Variants in NIBAN3 observed in about 807,000 individuals in gnomAD.
NIBAN3 encodes the protein niban apoptosis regulator 3, also known as protein Niban 3.
In NIBAN3, 66 loss-of-function variants were observed where a neutral mutation model predicts 76.4. The ratio of observed to expected loss-of-function variants is 0.86; its 90% CI spans 0.71 to 1.06. The LOEUF is 1.06. NIBAN3 is among the 50% of genes least tolerant of loss of function. NIBAN3 has a pLI of 0.00. For missense variants in NIBAN3, 808 were observed against 810.7 expected (o/e 1.00, Z 0.04); for synonymous variants, 360 against 355.2 (o/e 1.01, Z -0.15).
chr19:17,540,212 G>T (rs2144730489), intron 8 of NIBAN3, 180 bp from the exon 9 acceptor site: 1 of 451,108 alleles, frequency 2.2e-6, no homozygotes, highest in East Asian at 3.5e-5. Flanking sequence ...CCCCTACAAA[G>T]ACCCAGGTGG....
chr19:17,551,965 C>A lies in NIBAN3; in HGVS notation c.*67C>A. The A allele has an allele frequency of 1.4e-6, 1 of 696,862 alleles. No individual in the cohort carries two copies. The highest frequency in any genetic ancestry group is 2.7e-6 in the Non-Finnish European group (1 of 364,196). The allele number at this position is 696,862 out of a possible 1,614,324, so 43.2% of individuals were successfully genotyped here. On this transcript the variant is annotated 3_prime_UTR_variant, in exon 15 of 15. Coordinates refer to ENST00000599164, the MANE Select transcript of NIBAN3 (RefSeq NM_001321827.2). ...TACAAGTGGAATTTCTGGGCCAAAA[C>A]GGATGTGCCATCTTTAGGCTTTTGT...
intron 4 of NIBAN3, among the ~76,000 whole-genome samples, chr19:17,534,696 C>G (rs2075792625): frequency 6.7e-6 from 1 of 149,730 alleles, no homozygotes; most frequent in Admixed American, 6.7e-5. Context: ...GAGGCTGAGG[C>G]AGGAGAATGG....
At chr19:17,525,731 A>G (rs17710450), upstream of NIBAN3, among the ~76,000 whole-genome samples, 10,230 of 152,174 alleles carry the variant, frequency 0.067, 404 homozygotes, top group Admixed American at 0.12. Context: ...TGCTTTCCCA[A>G]AGGGCAATGG....
downstream of NIBAN3, among the ~76,000 whole-genome samples, chr19:17,554,491 AAAT>A (rs1194922662): frequency 2.5e-4 from 37 of 145,996 alleles, no homozygotes; most frequent in African/African-American, 5.0e-4. Flanking sequence ...CTCTCTGTGA[AAAT>A]AATAATAAGC....
rs182397495 is a variant in NIBAN3 at position 17,534,607 on chromosome 19, T to C, written c.427+906T>C. Among the ~76,000 whole-genome samples, 630 of 152,056 alleles carry C rather than the reference T, an allele frequency of 4.1e-3. 2 individuals are homozygous for C. The highest frequency in any genetic ancestry group is 0.014 in the South Asian group (68 of 4,820). ...GAGATCAAGACCATCCTGGCTAACA[T>C]GGTGAAACCCCATCTCTACTAAAAA... is the stretch of plus-strand genomic sequence containing the variant. On this transcript the variant is annotated intron_variant, in intron 4 of 14. Coordinates refer to ENST00000599164, the MANE Select transcript of NIBAN3 (RefSeq NM_001321827.2).
chr19:17,538,744 AAG>A (rs1295774275), intron 5 of NIBAN3, among the ~76,000 whole-genome samples: 63 of 25,250 alleles, frequency 2.5e-3, no homozygotes, highest in Non-Finnish European at 5.5e-3. Context: ...GAAAGAAAGA[AAG>A]AGAAAGAAAG....
At chr19:17,526,087 G>C (rs1019826975), upstream of NIBAN3, among the ~76,000 whole-genome samples, 28 of 151,784 alleles carry the variant, frequency 1.8e-4, no homozygotes, top group African/African-American at 6.8e-4. Context: ...GTCAAGGAGG[G>C]TGGATCACGA....
rs74900579 is a variant in NIBAN3, at chr19:17,535,965, G to C, written c.428-1411G>C. Among the ~76,000 whole-genome samples, 306 of 152,168 alleles carry C rather than the reference G, an allele frequency of 2.0e-3. 1 individual carries two copies. The highest frequency in any genetic ancestry group is 7.2e-3 in the African/African-American group (299 of 41,520). ...TAAAAGAAAGCAAAACTTAGCCACT[G>C]AAAGTGTCCCAGACGTATCAAGGAG... On this transcript the variant is annotated intron_variant, in intron 4 of 14. Transcript: ENST00000599164.
In NIBAN3 at chr19:17,551,908, C is replaced by T; in HGVS notation, c.*10C>T. ...AACATTCCGGAGCTGAATCTTCACC[C>T]ACATCTATCTTGTTTCTATTGGATA... On this transcript the variant is annotated 3_prime_UTR_variant, in exon 15 of 15. Transcript: ENST00000599164. The T allele has an allele frequency of 1.3e-6, 1 of 775,832 alleles. No homozygotes were observed. Among genetic ancestry groups the T allele is most frequent in the Non-Finnish European group, 2.4e-6 (1 of 414,104 alleles). The allele number at this position is 775,832 out of a possible 1,614,324, so 48.1% of individuals were successfully genotyped here.
At chr19:17,526,367 G>T (rs2075608322), upstream of NIBAN3, among the ~76,000 whole-genome samples, 4 of 152,006 alleles carry the variant, frequency 2.6e-5, no homozygotes, top group Admixed American at 6.6e-5. Flanking sequence ...AATATGCCAG[G>T]TGTGGTGGCT....
chr19:17,540,220 T>G, intron 8 of NIBAN3, 172 bp from the exon 9 acceptor site: 2 of 461,732 alleles, frequency 4.3e-6, no homozygotes, highest in Non-Finnish European at 7.6e-6. Context: ...AAGACCCAGG[T>G]GGGAATCCTG....
intron 9 of NIBAN3, among the ~76,000 whole-genome samples, chr19:17,541,824 C>T (rs2075958460): frequency 6.6e-6 from 1 of 151,990 alleles, no homozygotes; most frequent in Admixed American, 6.6e-5. Flanking sequence ...GCTGGGAGTA[C>T]AGGTGTGTGC....
rs765270424 is a variant in NIBAN3 at position 17,540,566 on chromosome 19, C to T, written c.1154C>T (p.Thr385Met). 1.3e-6 allele frequency: 2 copies of T among 1,518,386 alleles called. No individual in the cohort carries two copies. Among genetic ancestry groups the T allele is most frequent in the Non-Finnish European group, 1.8e-6 (2 of 1,130,558 alleles). 94.1% of individuals were successfully genotyped at this position (1,518,386 alleles called of 1,614,324 possible). ...SHRLRQSPSG[T>M]RLRREVYSFG... is the part of the protein sequence containing the mutation. Reference sequence around the variant, plus strand: ...CGCCTGCGCCAGAGCCCCTCAGGCACGCGGCTGCGCAGGGAGGTGAGCTCC... The same window carrying T: ...CGCCTGCGCCAGAGCCCCTCAGGCATGCGGCTGCGCAGGGAGGTGAGCTCC... Residue 385 changes from threonine (T) to methionine (M), a missense_variant, in exon 9 of 15, where the codon ACG (threonine) becomes ATG (methionine). Transcript: ENST00000599164.
upstream of NIBAN3, chr19:17,523,451 C>T (rs754299971): frequency 5.6e-5 from 87 of 1,563,916 alleles, no homozygotes; most frequent in South Asian, 1.1e-4. Context: ...GGGGCCTGAC[C>T]GGAAGGAGGT....
At chr19:17,546,488 T>G in intron 12 of NIBAN3, 198 bp from the exon 13 acceptor site, 1 of 1,048,246 alleles carries the variant, frequency 9.5e-7, no homozygotes, top group South Asian at 3.5e-5. Flanking sequence ...GTGCTGGGAT[T>G]ACAGGCATGA....
Position 17,546,808 on chromosome 19 carries a change from C to T in NIBAN3, c.1666+11C>T, listed in dbSNP as rs373833372. The T allele has an allele frequency of 1.5e-5, 23 of 1,583,006 alleles. No individual in the cohort carries two copies. The South Asian group carries it at 2.7e-4, about 18-fold the overall frequency. ...AGAGGATTGACCAAGGTGAGTCCCG[C>T]CCTGCCATGGCTCAGAGGAGCCTGG... On this transcript the variant is annotated intron_variant, in intron 13 of 14. Transcript: ENST00000599164.
chr19:17,528,246 C>A (rs774649094), intron 1 of NIBAN3, among the ~76,000 whole-genome samples: 14 of 152,040 alleles, frequency 9.2e-5, no homozygotes, highest in Non-Finnish European at 1.8e-4. Context: ...CATGTGCCAC[C>A]ATGCCTGACT....
chr19:17,542,128 G>A lies in NIBAN3; in HGVS notation c.1171-8G>A, dbSNP rs1390986633. 6.2e-7 allele frequency: 1 copy of A among 1,614,126 alleles called. No individual in the cohort carries two copies. The highest frequency in any genetic ancestry group is 8.5e-7 in the Non-Finnish European group (1 of 1,180,022). Reference sequence around the variant, plus strand: ...ATTTTTCCCCCAAAACTGCTTCCGGGAGCACAGGTTTACTCATTTGGGGAG... The same window carrying A: ...ATTTTTCCCCCAAAACTGCTTCCGGAAGCACAGGTTTACTCATTTGGGGAG... On this transcript the variant is annotated splice_region_variant and splice_polypyrimidine_tract_variant and intron_variant, in intron 9 of 14. Coordinates refer to ENST00000599164, the MANE Select transcript of NIBAN3 (RefSeq NM_001321827.2). The surrounding 1 kb of genome is among the most constrained non-coding windows in gnomAD (Gnocchi z 4.8).
Position 17,537,364 on chromosome 19 carries a change from G to T in NIBAN3, c.428-12G>T, listed in dbSNP as rs771274555. On this transcript the variant is annotated splice_polypyrimidine_tract_variant and intron_variant, in intron 4 of 14. Coordinates refer to ENST00000599164, the MANE Select transcript of NIBAN3 (RefSeq NM_001321827.2). ...GAACGTCTAGAAGATGCGACCTCCTGTTTGTTTTCAGGAGACCATACTCAG... is the reference window on the plus strand; with the variant it reads ...GAACGTCTAGAAGATGCGACCTCCTTTTTGTTTTCAGGAGACCATACTCAG... The T allele has an allele frequency of 6.2e-7, 1 of 1,611,660 alleles. No homozygotes were observed. The highest frequency in any genetic ancestry group is 2.2e-5 in the East Asian group (1 of 44,828).
Sources: allele counts gnomAD v4.1 joint callset (sites outside exome capture counted in the v4.1 genomes callset), GRCh38; gene constraint gnomAD v4.1.1; non-coding constraint Gnocchi (gnomAD v3.1); transcripts MANE v1.5; gene names NCBI Gene and HGNC (gene_info 2026-07-23, HGNC 2026-07-21).